TRIM33: variants seen among roughly 807,000 people sequenced by gnomAD.
The protein encoded by TRIM33 is E3 ubiquitin-protein ligase TRIM33.
A neutral mutation model predicts 125.4 loss-of-function variants in TRIM33; 20 were observed. That is an observed-to-expected ratio of 0.16 (90% confidence interval 0.11 to 0.23). The LOEUF (loss-of-function observed/expected upper bound fraction) is 0.23. Among genes scored for constraint, TRIM33 ranks in the 10% least tolerant of loss-of-function variants. The pLI is 1.00. For synonymous variants in TRIM33, 564 were observed against 513.9 expected (o/e 1.10, Z -1.32); for missense variants, 920 against 1,411.4 (o/e 0.65, Z 5.58).
intron 1 of TRIM33, among the ~76,000 whole-genome samples, chr1:114,478,366 A>T (rs1241385315): frequency 1.3e-5 from 2 of 152,178 alleles, no homozygotes; most frequent in African/African-American, 2.4e-5. Context: ...TCTGTCTGGA[A>T]AGAACAGGTT....
At chr1:114,439,864 G>A (rs1648547911) in intron 4 of TRIM33, among the ~76,000 whole-genome samples, 2 of 152,194 alleles carry the variant, frequency 1.3e-5, no homozygotes, top group South Asian at 4.1e-4. Flanking sequence ...TGGAAACAAT[G>A]AGAGTGGAGC....
At chr1:114,455,008 A>T (rs1649539316) in intron 4 of TRIM33, among the ~76,000 whole-genome samples, 1 of 152,182 alleles carries the variant, frequency 6.6e-6, no homozygotes, top group South Asian at 2.1e-4. Flanking sequence ...AACCTTTACT[A>T]AAATGGACTG....
At chr1:114,462,761 A>G (rs1650071755) in intron 4 of TRIM33, among the ~76,000 whole-genome samples, 1 of 152,204 alleles carries the variant, frequency 6.6e-6, no homozygotes, top group Admixed American at 6.5e-5. Context: ...GTTTAAAAGA[A>G]TACTGCTTTT....
At chr1:114,443,868 TAA>T (rs375504053) in intron 4 of TRIM33, among the ~76,000 whole-genome samples, 1 of 143,466 alleles carries the variant, frequency 7.0e-6, no homozygotes, top group Non-Finnish European at 1.5e-5. Context: ...CCCTGTTTCT[TAA>T]AAAAAAAAAA....
At chr1:114,504,222 T>C (rs1312631862) in intron 1 of TRIM33, among the ~76,000 whole-genome samples, 1 of 152,142 alleles carries the variant, frequency 6.6e-6, no homozygotes, top group South Asian at 2.1e-4. Flanking sequence ...TGGAGTACAA[T>C]GGCACAATCA....
At chr1:114,495,481 G>C (rs1337033905) in intron 1 of TRIM33, among the ~76,000 whole-genome samples, 1 of 152,114 alleles carries the variant, frequency 6.6e-6, no homozygotes, top group Non-Finnish European at 1.5e-5. Context: ...TCTTCCCTCT[G>C]AGAGGATTTT....
rs1289154151 is a variant in TRIM33 at position 114,433,106 on chromosome 1, C to G, written c.1040+511G>C. Among the ~76,000 whole-genome samples, 5 of 152,112 alleles carry G rather than the reference C, an allele frequency of 3.3e-5. No homozygotes were observed. The East Asian group carries it at 9.6e-4, about 29-fold the overall frequency. On this transcript the variant is annotated intron_variant, in intron 5 of 19. Transcript: ENST00000358465. ...CTTAGAAATATACCAAAGTAGAATA[C>G]TTTTTAAATAATAAATGGTGATGAT...
At chr1:114,406,771 C>T (rs1392108672) in intron 14 of TRIM33, among the ~76,000 whole-genome samples, 170 bp downstream of exon 14, 2 of 152,286 alleles carry the variant, frequency 1.3e-5, no homozygotes, top group South Asian at 4.1e-4. Flanking sequence ...TTACAGCTGA[C>T]TCTTAGACAA....
chr1:114,485,978 T>C (rs1468184929), intron 1 of TRIM33, among the ~76,000 whole-genome samples: 2 of 152,064 alleles, frequency 1.3e-5, no homozygotes, highest in Non-Finnish European at 2.9e-5. Context: ...TGAAAATGCT[T>C]CAAAAAGCAA....
chr1:114,489,236 A>G (rs72696017), intron 1 of TRIM33, among the ~76,000 whole-genome samples: 5,050 of 152,318 alleles, frequency 0.033, 113 homozygotes, highest in Non-Finnish European at 0.052. Flanking sequence ...ATCCTTGTGC[A>G]AAAGAATGAA....
intron 1 of TRIM33, among the ~76,000 whole-genome samples, chr1:114,481,649 G>A (rs1347906613): frequency 7.0e-6 from 1 of 142,472 alleles, no homozygotes; most frequent in African/African-American, 2.7e-5. Flanking sequence ...ATGTGTGTGT[G>A]TGTGTGTGTG....
chr1:114,510,846 A>T lies in TRIM33; in HGVS notation c.231T>A (p.Ala77=). 1 of 1,493,134 alleles carries T rather than the reference A, an allele frequency of 6.7e-7. No homozygotes were observed. Among genetic ancestry groups the T allele is most frequent in the Non-Finnish European group, 8.9e-7 (1 of 1,128,734 alleles). The allele number at this position is 1,493,134 out of a possible 1,614,324, so 92.5% of individuals were successfully genotyped here. A position where few individuals can be genotyped will look rare whatever the true frequency, so the allele number is the denominator to read the frequency against. The change falls in exon 1 of 20, where the codon GCT becomes GCA. Residue 77 remains alanine (A), a synonymous_variant. Coordinates refer to ENST00000358465, the MANE Select transcript of TRIM33 (RefSeq NM_015906.4). ...VAAASSGSAQ[A]ASSPAASVGT... ...CCACTGAGGCCGCAGGAGATGAAGC[A>T]GCCTGGGCCGAGCCCGAGGAGGCCG...
intron 1 of TRIM33, among the ~76,000 whole-genome samples, chr1:114,481,661 GTATA>G (rs372247789): frequency 0.026 from 3,811 of 144,986 alleles, 87 homozygotes; most frequent in Non-Finnish European, 0.034. Flanking sequence ...GTGTGTGTGT[GTATA>G]TATATGTGTG....
chr1:114,403,735 T>C (rs565938685), intron 15 of TRIM33, among the ~76,000 whole-genome samples: 1 of 152,310 alleles, frequency 6.6e-6, no homozygotes, highest in South Asian at 2.1e-4. Flanking sequence ...GGTTTCACCA[T>C]GTTGACCAGG....
chr1:114,429,108 A>G (rs1228295992), intron 6 of TRIM33, among the ~76,000 whole-genome samples: 5 of 151,926 alleles, frequency 3.3e-5, no homozygotes, highest in African/African-American at 9.7e-5. Flanking sequence ...TTTTGGGGGG[A>G]AAAACCTATT....
At chr1:114,442,988 C>T (rs1343772881) in intron 4 of TRIM33, among the ~76,000 whole-genome samples, 3 of 151,904 alleles carry the variant, frequency 2.0e-5, no homozygotes, top group African/African-American at 4.8e-5. Flanking sequence ...TTTATCCACA[C>T]AAAATCTTAA....
chr1:114,422,296 A>T (rs1438334502), intron 10 of TRIM33, among the ~76,000 whole-genome samples: 1 of 152,226 alleles, frequency 6.6e-6, no homozygotes. Flanking sequence ...ATTTCTGTAG[A>T]GGTATACCCA....
At chr1:114,452,629 C>T (rs913868379) in intron 4 of TRIM33, among the ~76,000 whole-genome samples, 6 of 150,278 alleles carry the variant, frequency 4.0e-5, no homozygotes, top group African/African-American at 2.5e-5. Context: ...GGTGCAGTGG[C>T]TTATAAGTGT....
At chr1:114,451,782 G>A (rs181311086) in intron 4 of TRIM33, among the ~76,000 whole-genome samples, 43 of 152,106 alleles carry the variant, frequency 2.8e-4, no homozygotes, top group African/African-American at 1.0e-3. Context: ...TATAAAGTTG[G>A]CAGTATATTT....
Sources: gnomAD v4.1 joint callset for allele counts (sites outside exome capture counted in the v4.1 genomes callset) on GRCh38, gnomAD v4.1.1 for gene constraint, MANE v1.5 for transcripts, NCBI Gene and HGNC (gene_info 2026-07-23, HGNC 2026-07-21) for gene names.